The following ZNF487 variants were observed in gnomAD, a reference collection of about 807,000 sequenced individuals.
ZNF487 encodes the protein KRAB domain only 1.
Under a neutral mutation model 3.0 loss-of-function variants are expected in ZNF487, and 4 were observed. The ratio of observed to expected loss-of-function variants is 1.35; its 90% confidence interval spans 0.66 to 3.08. ZNF487 has a LOEUF of 3.08. Ranked by LOEUF, ZNF487 falls within the 30% of genes most tolerant of loss-of-function variation. The probability of loss-of-function intolerance (pLI) is 0.01; values close to 1 mark genes in which losing one functional copy is unlikely to be tolerated. For synonymous variants in ZNF487, 55 were observed against 34.6 expected, an observed-to-expected ratio of 1.59 and a Z score of -2.06; for missense variants, 146 against 98.7, an observed-to-expected ratio of 1.48 and a Z score of -2.03.
chr10:43,460,077 T>C (rs1260126122), intron 1 of ZNF487, among the ~76,000 whole-genome samples: 1 of 151,880 alleles, frequency 6.6e-6, no homozygotes, highest in Non-Finnish European at 1.5e-5. Flanking sequence ...ACTGGGATTA[T>C]AGGCATGAGC....
the ZNF487 span, among the ~76,000 whole-genome samples, chr10:43,510,222 A>G: frequency 5.3e-5 from 8 of 152,344 alleles, no homozygotes; most frequent in African/African-American, 1.9e-4. Flanking sequence ...ACATGGTCAT[A>G]GCTGGTATTG....
At chr10:43,461,300 C>T (rs181083425) in intron 1 of ZNF487, among the ~76,000 whole-genome samples, 52 of 126,388 alleles carry the variant, frequency 4.1e-4, no homozygotes, top group Admixed American at 2.3e-3. Flanking sequence ...AGCCAACATG[C>T]CCGGCCCAGT....
chr10:43,521,822 A>G, the ZNF487 span, among the ~76,000 whole-genome samples: 1 of 151,930 alleles, frequency 6.6e-6, no homozygotes, highest in Non-Finnish European at 1.5e-5. Context: ...ATAAATGGTT[A>G]AAAAATTATA....
intron 1 of ZNF487, among the ~76,000 whole-genome samples, chr10:43,465,030 G>A (rs1220430323): frequency 1.5e-5 from 2 of 135,460 alleles, no homozygotes; most frequent in Non-Finnish European, 3.1e-5. Flanking sequence ...GGACGGGGCG[G>A]CTGGCCGGGC....
the ZNF487 span, among the ~76,000 whole-genome samples, chr10:43,522,866 G>GC: frequency 6.6e-6 from 1 of 152,078 alleles, no homozygotes; most frequent in Non-Finnish European, 1.5e-5. Flanking sequence ...TTTTTTCTTT[G>GC]CCGTCACCCC....
the ZNF487 span, among the ~76,000 whole-genome samples, chr10:43,504,494 A>G: frequency 2.0e-5 from 3 of 151,422 alleles, no homozygotes; most frequent in Admixed American, 1.3e-4. Flanking sequence ...ATGGGGTTTC[A>G]CTATGTTGGC....
chr10:43,490,264 A>G, the ZNF487 span, among the ~76,000 whole-genome samples: 1 of 152,104 alleles, frequency 6.6e-6, no homozygotes, highest in Non-Finnish European at 1.5e-5. Context: ...AGGCAGGAGA[A>G]TTGCTTGGCC....
At chr10:43,459,919 A>G (rs1229925732) in intron 1 of ZNF487, among the ~76,000 whole-genome samples, 1 of 151,454 alleles carries the variant, frequency 6.6e-6, no homozygotes, top group South Asian at 2.1e-4. Flanking sequence ...CTCCTGCCTC[A>G]GCCTCCCGAG....
intron 1 of ZNF487, among the ~76,000 whole-genome samples, chr10:43,440,516 G>A (rs1839560131): frequency 6.6e-6 from 1 of 151,942 alleles, no homozygotes; most frequent in Admixed American, 6.6e-5. Flanking sequence ...AAATTAGCCC[G>A]GCATGGTAAT....
the ZNF487 span, among the ~76,000 whole-genome samples, chr10:43,499,994 C>T: frequency 7.2e-5 from 11 of 152,176 alleles, no homozygotes; most frequent in Non-Finnish European, 7.3e-5. Flanking sequence ...AGTGATTCTC[C>T]TGCCTCAGCC....
At chr10:43,516,832 C>A in the ZNF487 span, among the ~76,000 whole-genome samples, 1 of 152,202 alleles carries the variant, frequency 6.6e-6, no homozygotes, top group Admixed American at 6.5e-5. Context: ...AGGATCAATA[C>A]TTTGTATCCT....
At chr10:43,439,092 A>G (rs1839483769) in intron 1 of ZNF487, among the ~76,000 whole-genome samples, 1 of 151,740 alleles carries the variant, frequency 6.6e-6, no homozygotes, top group Non-Finnish European at 1.5e-5. Context: ...GTACAAAAAT[A>G]TTAGCCGGGC....
chr10:43,443,918 T>C (rs1839711281), intron 1 of ZNF487, among the ~76,000 whole-genome samples: 1 of 151,122 alleles, frequency 6.6e-6, no homozygotes, highest in Non-Finnish European at 1.5e-5. Context: ...AATGGCGTGA[T>C]CTTGGCTCAC....
downstream of ZNF487, among the ~76,000 whole-genome samples, chr10:43,484,694 C>A (rs1841456408): frequency 6.6e-6 from 1 of 151,932 alleles, no homozygotes; most frequent in African/African-American, 2.4e-5. Context: ...CAAATTAGAA[C>A]AAATATTTAA....
At chr10:43,506,197 C>A in the ZNF487 span, among the ~76,000 whole-genome samples, 1 of 152,138 alleles carries the variant, frequency 6.6e-6, no homozygotes, top group Non-Finnish European at 1.5e-5. Flanking sequence ...AGTCCCTGAG[C>A]CGAAAAACCT....
chr10:43,507,770 C>A, the ZNF487 span, among the ~76,000 whole-genome samples: 6 of 152,210 alleles, frequency 3.9e-5, no homozygotes, highest in African/African-American at 1.4e-4. Context: ...GATTGGCCCT[C>A]CCTGTCAGAA....
chr10:43,520,231 G>A, the ZNF487 span, among the ~76,000 whole-genome samples: 1 of 152,006 alleles, frequency 6.6e-6, no homozygotes, highest in Non-Finnish European at 1.5e-5. Flanking sequence ...CAGAGAGAAA[G>A]ATCCCTCTTT....
intron 1 of ZNF487, among the ~76,000 whole-genome samples, chr10:43,459,770 TA>T (rs1226343744): frequency 6.5e-5 from 2 of 30,978 alleles, no homozygotes; most frequent in African/African-American, 3.8e-4. Context: ...GCTGTGAGTT[TA>T]TTATTATTAT....
At chr10:43,495,402 C>T in the ZNF487 span, among the ~76,000 whole-genome samples, 1 of 152,060 alleles carries the variant, frequency 6.6e-6, no homozygotes, top group East Asian at 1.9e-4. Context: ...TGCCGCCACA[C>T]CCAGCTAATT....
Sources: allele counts gnomAD v4.1 joint callset (sites outside exome capture counted in the v4.1 genomes callset), GRCh38; gene constraint gnomAD v4.1.1; transcripts MANE v1.5; gene names NCBI Gene and HGNC (gene_info 2026-07-23, HGNC 2026-07-21).